HERC2: variants seen among roughly 807,000 people sequenced by gnomAD.
HERC2 encodes HECT and RLD domain containing E3 ubiquitin protein ligase 2.
In HERC2, 102 loss-of-function variants were observed where a neutral mutation model predicts 537.7. The observed-to-expected ratio is 0.19, with a 90% CI of 0.16 to 0.22. The LOEUF (loss-of-function observed/expected upper bound fraction) is 0.22. Among genes scored for constraint, HERC2 ranks in the 10% least tolerant of loss-of-function variants. HERC2 has a pLI of 1.00. For missense variants in HERC2, 4,236 were observed against 6,198.2 expected, an observed-to-expected ratio of 0.68 and a Z score of 10.63; for synonymous variants, 2,224 against 2,466.2, an observed-to-expected ratio of 0.90 and a Z score of 2.91.
Position 28,177,494 on chromosome 15 carries a change from G to A in HERC2, c.9179C>T (p.Thr3060Met), listed in dbSNP as rs778326297. 2.9e-5 allele frequency: 47 copies of A among 1,614,052 alleles called. No individual in the cohort carries two copies. The highest frequency in any genetic ancestry group is 5.5e-5 in the South Asian group (5 of 91,090). Residue 3060 changes from threonine (T) to methionine (M), a missense_variant, in exon 60 of 93, where the codon ACG becomes ATG. Around this residue, in one of 27 missense-constraint regions of HERC2, gnomAD observed 606 missense variants for 884.5 expected, o/e 0.69. Transcript: ENST00000261609. This position sits in a 1 kb window ranked among gnomAD's most constrained non-coding sequence, Gnocchi z 5.0. The stretch of plus-strand genomic sequence containing the variant: ...CACTTTTCCATCGACAGTTAAAGCC[G>A]TCGCGTGCCGGCCACCTGCAACATT... Reference protein sequence around the residue: ...VAVHSGGRHATALTVDGKVFS... With the variant: ...VAVHSGGRHAMALTVDGKVFS...
chr15:28,193,160 G>T (rs537668308), intron 52 of HERC2, among the ~76,000 whole-genome samples: 28 of 152,196 alleles, frequency 1.8e-4, no homozygotes, highest in Admixed American at 1.5e-3. Context: ...AAGAAAATAT[G>T]ACTAAAAATT....
In HERC2 at chr15:28,177,499, G is replaced by A. The variant is rs746307585; in HGVS notation, c.9174C>T (p.His3058=). The change falls in exon 60 of 93, where the codon CAC becomes CAT. Residue 3058 remains histidine (H), a synonymous_variant. Coordinates refer to ENST00000261609, the MANE Select transcript of HERC2 (RefSeq NM_004667.6). This position sits in a 1 kb window ranked among gnomAD's most constrained non-coding sequence, Gnocchi z 5.0. ...TTCCATCGACAGTTAAAGCCGTCGC[G>A]TGCCGGCCACCTGCAACATTCACAG... is the stretch of plus-strand genomic sequence containing the variant. ...KKVAVHSGGR[H]ATALTVDGKV... is the part of the protein sequence containing the mutation. 3.7e-5 allele frequency: 59 copies of A among 1,614,046 alleles called. No individual in the cohort carries two copies. Among genetic ancestry groups the A allele is most frequent in the Non-Finnish European group, 4.7e-5 (55 of 1,180,048 alleles).
At position 28,268,943 on chromosome 15, in the gene HERC2, C is replaced by T. The variant is rs983175453; in HGVS notation, c.1446+305G>A. Among the ~76,000 whole-genome samples the T allele has an allele frequency of 3.9e-5, 6 of 152,284 alleles. No individual in the cohort carries two copies. Among genetic ancestry groups the T allele is most frequent in the East Asian group, 3.9e-4 (2 of 5,184 alleles). On this transcript the variant is annotated intron_variant, in intron 11 of 92. Coordinates refer to ENST00000261609, the MANE Select transcript of HERC2 (RefSeq NM_004667.6). This position sits in a 1 kb window ranked among gnomAD's most constrained non-coding sequence, Gnocchi z 4.7. The stretch of plus-strand genomic sequence containing the variant: ...ACGTCCCAATTTGCCACTATCCCCA[C>T]GAGGCCCAACTCCCTCACCTGTCAC...
chr15:28,187,721 G>A (rs146793547), intron 55 of HERC2, among the ~76,000 whole-genome samples: 64 of 152,274 alleles, frequency 4.2e-4, no homozygotes, highest in African/African-American at 8.2e-4. Flanking sequence ...ATGCTACAGT[G>A]ATCAAACTTT....
intron 4 of HERC2, 103 bp downstream of exon 4, chr15:28,292,785 T>A (rs754366100): frequency 1.7e-6 from 2 of 1,208,068 alleles, no homozygotes; most frequent in South Asian, 1.4e-5. Flanking sequence ...TTTATTTACT[T>A]TTTTTAAAAT....
chr15:28,319,811 A>G (rs1022200896), intron 2 of HERC2, among the ~76,000 whole-genome samples: 13 of 152,160 alleles, frequency 8.5e-5, no homozygotes, highest in Non-Finnish European at 1.8e-4. Context: ...ATTAAATTAC[A>G]ATTATTAAGA....
chr15:28,233,647 G>C lies in HERC2; in HGVS notation c.4351+17C>G. 1.2e-6 allele frequency: 2 copies of C among 1,613,846 alleles called. No individual in the cohort carries two copies. Among genetic ancestry groups the C allele is most frequent in the Non-Finnish European group, 1.7e-6 (2 of 1,179,764 alleles). ...ATCTGCAGTGTACCTAAAGTACACA[G>C]ATATCGAGCTCCTTACCTAAATCTT... is the stretch of plus-strand genomic sequence containing the variant. On this transcript the variant is annotated intron_variant, in intron 28 of 92. Transcript: ENST00000261609.
At chr15:28,157,062 A>G (rs372605299) in intron 69 of HERC2, among the ~76,000 whole-genome samples, 1 of 152,174 alleles carries the variant, frequency 6.6e-6, no homozygotes, top group Non-Finnish European at 1.5e-5. Flanking sequence ...ATTGATTTGC[A>G]TATGTTGAAT....
At chr15:28,251,547 TC>T (rs2075082980) in intron 20 of HERC2, among the ~76,000 whole-genome samples, 1 of 151,410 alleles carries the variant, frequency 6.6e-6, no homozygotes, top group African/African-American at 2.4e-5. Flanking sequence ...ACGCCTGCAA[TC>T]CCAGCACTTT....
intron 74 of HERC2, 55 bp from the exon 75 acceptor site, chr15:28,143,007 G>T: frequency 6.4e-7 from 1 of 1,570,550 alleles, no homozygotes; most frequent in South Asian, 1.2e-5. Flanking sequence ...CGGGGAGGCT[G>T]ACCATTTGTT....
At chr15:28,236,533 C>T (rs1197079026) in intron 26 of HERC2, among the ~76,000 whole-genome samples, 1 of 151,914 alleles carries the variant, frequency 6.6e-6, no homozygotes, top group Non-Finnish European at 1.5e-5. Context: ...TCAGGTGATC[C>T]ACCCGCCTCA....
Position 28,130,245 on chromosome 15 carries a change from A to G in HERC2, c.12720T>C (p.Pro4240=). Residue 4240 remains proline, a synonymous_variant, in exon 83 of 93, where the codon CCT becomes CCC. Transcript: ENST00000261609. ...TCCCCTGCAACCCTTGGACCTGCCG[A>G]GGCCTTCGAACATGGTCATCTGATC... The part of the protein sequence containing the change: ...GHGSDDHVRR[P]RQVQGLQGKK... The G allele has an allele frequency of 1.2e-6, 2 of 1,614,140 alleles. No homozygotes were observed. The highest frequency in any genetic ancestry group is 1.7e-6 in the Non-Finnish European group (2 of 1,180,022).
At chr15:28,260,120 G>T (rs556695806) in intron 16 of HERC2, among the ~76,000 whole-genome samples, 1 of 151,342 alleles carries the variant, frequency 6.6e-6, no homozygotes, top group South Asian at 2.1e-4. Flanking sequence ...CAGGCAGATC[G>T]CTAGAGCTCA....
rs1566901623 is a variant in HERC2 at position 28,111,760 on chromosome 15, A to G, written c.*3T>C. On this transcript the variant is annotated 3_prime_UTR_variant, in exon 93 of 93. Coordinates refer to ENST00000261609, the MANE Select transcript of HERC2 (RefSeq NM_004667.6). ...TCTCATCTCACGAGGACGTTTCCCCATCTTAGTGTCCTGTTAAATAATCTT... is the reference window on the plus strand; with the variant it reads ...TCTCATCTCACGAGGACGTTTCCCCGTCTTAGTGTCCTGTTAAATAATCTT... 1.2e-6 allele frequency: 2 copies of G among 1,612,210 alleles called. No homozygotes were observed. Among genetic ancestry groups the G allele is most frequent in the African/African-American group, 2.7e-5 (2 of 75,008 alleles).
chr15:28,127,520 T>C (rs1432399118), intron 83 of HERC2, among the ~76,000 whole-genome samples: 1 of 152,192 alleles, frequency 6.6e-6, no homozygotes, highest in Non-Finnish European at 1.5e-5. Context: ...AACCAGGGTA[T>C]TGTTTACATT....
intron 30 of HERC2, among the ~76,000 whole-genome samples, 154 bp downstream of exon 30, chr15:28,232,992 T>C (rs1596294418): frequency 1.3e-5 from 2 of 152,388 alleles, no homozygotes; most frequent in Non-Finnish European, 1.5e-5. Context: ...GCGAGATTTC[T>C]GTATTTAATC....
intron 35 of HERC2, among the ~76,000 whole-genome samples, chr15:28,224,259 G>C (rs1900865484): frequency 6.6e-6 from 1 of 151,188 alleles, no homozygotes; most frequent in African/African-American, 2.4e-5. Flanking sequence ...GCCCAGGCTG[G>C]AGCCCAGGCT....
chr15:28,296,198 G>A (rs965310299), intron 3 of HERC2, among the ~76,000 whole-genome samples: 2 of 152,080 alleles, frequency 1.3e-5, no homozygotes, highest in African/African-American at 4.8e-5. Context: ...AATGTGGGCC[G>A]GGCATGGTGG....
intron 34 of HERC2, 76 bp downstream of exon 34, chr15:28,229,119 A>T: frequency 4.7e-6 from 6 of 1,278,730 alleles, no homozygotes; most frequent in South Asian, 2.4e-5. Flanking sequence ...AAAAGCAAAA[A>T]TTGGCATTTG....
Sources: allele counts gnomAD v4.1 joint callset (sites outside exome capture counted in the v4.1 genomes callset), GRCh38; gene constraint gnomAD v4.1.1; regional missense constraint gnomAD v4.1.1; non-coding constraint Gnocchi (gnomAD v3.1); transcripts MANE v1.5; gene names NCBI Gene and HGNC (gene_info 2026-07-23, HGNC 2026-07-21).